Variants in IPO11 observed in about 807,000 individuals in gnomAD.
The protein encoded by IPO11 is importin 11.
Under a neutral mutation model 143.2 loss-of-function variants are expected in IPO11, and 66 were observed. The observed-to-expected ratio is 0.46, with a 90% confidence interval of 0.38 to 0.57. The LOEUF (loss-of-function observed/expected upper bound fraction) is 0.57. Ranked by LOEUF, IPO11 falls within the 20% of genes least tolerant of loss-of-function variation. The pLI, the probability that IPO11 is intolerant of heterozygous loss-of-function variation, is 0.00. For synonymous variants in IPO11, 385 were observed against 377.8 expected (o/e 1.02, Z -0.22); for missense variants, 1,026 against 1,141.0 (o/e 0.90, Z 1.45).
chr5:62,449,970 A>T lies in IPO11; in HGVS notation c.283A>T (p.Ile95Phe), dbSNP rs1387933647. The change falls in exon 4 of 30, where the codon ATC becomes TTC. Residue 95 changes from isoleucine to phenylalanine, a missense_variant. By Grantham distance (21) the Ile-to-Phe change is conservative. Transcript: ENST00000325324. ...EEKTTLRAGL[I>F]TNFNEPINQI... ...GAAAACTACTCTGCGTGCAGGGCTC[A>T]TCACCAACTTCAATGAACCAATAAA... 5.0e-6 allele frequency: 8 copies of T among 1,600,686 alleles called. No individual in the cohort carries two copies. Among genetic ancestry groups the T allele is most frequent in the Non-Finnish European group, 6.8e-6 (8 of 1,174,890 alleles).
intron 24 of IPO11, among the ~76,000 whole-genome samples, chr5:62,538,032 A>G (rs1288554800): frequency 6.6e-6 from 1 of 152,168 alleles, no homozygotes; most frequent in Admixed American, 6.5e-5. Flanking sequence ...TAAAATAAAT[A>G]TAAAATTGAT....
rs11295932 is a variant in IPO11, at chr5:62,416,715, C to CT, written c.-7+3799dup. ...TAAGCATACCCAAGTCTCTTATTAT[C>CT]TTTTTTTTTTTTTATTTTTTTTTTT... On this transcript the variant is annotated intron_variant, in intron 1 of 29. Transcript: ENST00000325324. Among the ~76,000 whole-genome samples, 807 of 144,152 alleles carry CT rather than the reference C, an allele frequency of 5.6e-3. 7 individuals are homozygous for CT. Among genetic ancestry groups the CT allele is most frequent in the African/African-American group, 0.018 (695 of 39,242 alleles). The allele number at this position is 144,152 out of a possible 152,430, so 94.6% of individuals were successfully genotyped here. A position where few individuals can be genotyped will look rare whatever the true frequency, so the allele number is the denominator to read the frequency against.
chr5:62,529,932 A>G (rs376407536), intron 21 of IPO11, among the ~76,000 whole-genome samples: 1 of 152,214 alleles, frequency 6.6e-6, no homozygotes, highest in East Asian at 1.9e-4. Flanking sequence ...CGTTTGTTGC[A>G]CTAAACCTTC....
intron 20 of IPO11, among the ~76,000 whole-genome samples, chr5:62,517,197 CA>C (rs35490837): frequency 0.69 from 104,139 of 150,396 alleles, 36,367 homozygotes; most frequent in African/African-American, 0.78. Flanking sequence ...GACTCCGTCT[CA>C]AAAAAAAGAA....
chr5:62,552,207 G>C (rs180842356), intron 26 of IPO11, among the ~76,000 whole-genome samples: 2 of 152,220 alleles, frequency 1.3e-5, no homozygotes, highest in African/African-American at 4.8e-5. Context: ...AGATTTATAA[G>C]ATGTTGAAGA....
intron 27 of IPO11, chr5:62,580,607 C>A: frequency 6.4e-7 from 1 of 1,551,468 alleles, no homozygotes; most frequent in Non-Finnish European, 8.7e-7. Flanking sequence ...AATCCCCCAT[C>A]CATGCGTGGC....
intron 26 of IPO11, among the ~76,000 whole-genome samples, chr5:62,552,248 G>A (rs1743413413): frequency 6.6e-6 from 1 of 152,056 alleles, no homozygotes. Context: ...TATCTACAAT[G>A]GAGACAATTT....
At chr5:62,511,247 A>G (rs960541461) in intron 19 of IPO11, among the ~76,000 whole-genome samples, 13 of 152,196 alleles carry the variant, frequency 8.5e-5, no homozygotes, top group African/African-American at 3.1e-4. Flanking sequence ...AACTAAAACT[A>G]CCTCATTTTC....
intron 16 of IPO11, among the ~76,000 whole-genome samples, chr5:62,500,859 C>T (rs1371058413): frequency 3.9e-5 from 6 of 152,148 alleles, no homozygotes; most frequent in African/African-American, 9.7e-5. Context: ...CCAGCATCAC[C>T]GCAAATGCAT....
At chr5:62,576,665 CCTAGCTA>C (rs1744323927) in intron 27 of IPO11, among the ~76,000 whole-genome samples, 4 of 151,298 alleles carry the variant, frequency 2.6e-5, no homozygotes, top group African/African-American at 9.7e-5. Flanking sequence ...CACCTGCAGT[CCTAGCTA>C]CTCAAGAGGC....
chr5:62,530,894 GT>G, intron 22 of IPO11, 109 bp downstream of exon 22: 1 of 795,226 alleles, frequency 1.3e-6, no homozygotes, highest in Non-Finnish European at 2.1e-6. Flanking sequence ...TCAACTTCTA[GT>G]TTAGATTCAG....
intron 5 of IPO11, among the ~76,000 whole-genome samples, chr5:62,461,539 C>T (rs1423682863): frequency 1.3e-5 from 2 of 152,192 alleles, no homozygotes; most frequent in African/African-American, 2.4e-5. Context: ...AAGATAGTGC[C>T]GTTGCTTCTT....
At chr5:62,561,072 A>T (rs1010360583) in intron 26 of IPO11, 64 bp from the exon 27 acceptor site, 12 of 1,427,992 alleles carry the variant, frequency 8.4e-6, no homozygotes, top group Non-Finnish European at 1.1e-5. Context: ...TAGCCTTTAA[A>T]AGTATTTACC....
chr5:62,617,987 G>GA (rs375870210), intron 29 of IPO11, among the ~76,000 whole-genome samples: 2 of 151,956 alleles, frequency 1.3e-5, no homozygotes, highest in Admixed American at 6.6e-5. Context: ...GGTGTATAGT[G>GA]ACAGATCTGA....
chr5:62,547,398 A>G (rs1176474532), intron 24 of IPO11, among the ~76,000 whole-genome samples: 1 of 152,120 alleles, frequency 6.6e-6, no homozygotes, highest in African/African-American at 2.4e-5. Context: ...TGACATCACA[A>G]TTGTACCCAT....
At chr5:62,453,383 A>T (rs972068792) in intron 5 of IPO11, among the ~76,000 whole-genome samples, 2 of 151,196 alleles carry the variant, frequency 1.3e-5, no homozygotes, top group Non-Finnish European at 2.9e-5. Flanking sequence ...GCCTAGTCCT[A>T]TAATGTGGAA....
intron 8 of IPO11, among the ~76,000 whole-genome samples, chr5:62,476,063 T>G (rs1224274649): frequency 1.3e-5 from 2 of 152,220 alleles, no homozygotes; most frequent in Admixed American, 6.5e-5. Flanking sequence ...GTACTATGCA[T>G]GGAAAGATGA....
In IPO11 at chr5:62,418,487, C is replaced by T. The variant is rs146827698; in HGVS notation, c.-7+5558C>T. Among the ~76,000 whole-genome samples, 123 of 152,272 alleles carry T rather than the reference C, an allele frequency of 8.1e-4. 1 individual carries two copies. The highest frequency in any genetic ancestry group is 2.7e-3 in the African/African-American group (113 of 41,542). Reference sequence around the variant, plus strand: ...CATATAGTTTAAAATGTAAGTGTTTCCAGTACAGTAAGCTATTAACAGTAT... The same window carrying T: ...CATATAGTTTAAAATGTAAGTGTTTTCAGTACAGTAAGCTATTAACAGTAT... On this transcript the variant is annotated intron_variant, in intron 1 of 29. Coordinates refer to ENST00000325324, the MANE Select transcript of IPO11 (RefSeq NM_016338.5).
chr5:62,429,440 C>CA (rs1561306151), intron 1 of IPO11, among the ~76,000 whole-genome samples: 1 of 152,036 alleles, frequency 6.6e-6, no homozygotes. Context: ...GTTTTTGAGA[C>CA]AGAGTCTCAC....
Sources: allele counts gnomAD v4.1 joint callset (sites outside exome capture counted in the v4.1 genomes callset), GRCh38; gene constraint gnomAD v4.1.1; transcripts MANE v1.5; gene names NCBI Gene and HGNC (gene_info 2026-07-23, HGNC 2026-07-21).